The following CFAP107 variants were observed in gnomAD, a reference collection of about 807,000 sequenced individuals.
CFAP107 encodes the protein cilia and flagella associated protein 107.
At chr1:12,748,897 C>A in the CFAP107 span, among the ~76,000 whole-genome samples, 1 of 151,942 alleles carries the variant, frequency 6.6e-6, no homozygotes, top group African/African-American at 2.4e-5. Context: ...GGAGTCAAAC[C>A]AGTTTTAGAG....
the CFAP107 span, among the ~76,000 whole-genome samples, chr1:12,755,211 C>A: frequency 6.6e-6 from 1 of 152,114 alleles, no homozygotes. Flanking sequence ...TCGAGACCAT[C>A]CTAGCCAACA....
At chr1:12,748,701 G>A in the CFAP107 span, among the ~76,000 whole-genome samples, 3 of 151,844 alleles carry the variant, frequency 2.0e-5, no homozygotes, top group Non-Finnish European at 4.4e-5. Context: ...AAAAAAAAGT[G>A]GCCCATCCAA....
the CFAP107 span, chr1:12,762,456 A>G: frequency 6.6e-6 from 1 of 151,068 alleles, no homozygotes; most frequent in African/African-American, 2.4e-5. Flanking sequence ...TTCCATCCCA[A>G]CTGAAAGTCA....
chr1:12,759,237 C>T, the CFAP107 span: 11 of 1,544,772 alleles, frequency 7.1e-6, no homozygotes, highest in African/African-American at 4.1e-5. Context: ...CATGTGGCAG[C>T]TCCTGTCTCC....
At chr1:12,755,584 G>T in the CFAP107 span, 1 of 736,502 alleles carries the variant, frequency 1.4e-6, no homozygotes, top group Middle Eastern at 2.3e-4. Flanking sequence ...GGTGTCCAGG[G>T]GTTTATATTT....
chr1:12,746,816 T>C, the CFAP107 span, among the ~76,000 whole-genome samples: 1 of 152,166 alleles, frequency 6.6e-6, no homozygotes, highest in Admixed American at 6.5e-5. Flanking sequence ...TTGAAAATAC[T>C]GTAACAGGGT....
At chr1:12,758,677 C>T in the CFAP107 span, among the ~76,000 whole-genome samples, 2 of 152,132 alleles carry the variant, frequency 1.3e-5, no homozygotes, top group African/African-American at 4.8e-5. Context: ...CTTCTGGGCC[C>T]AAGAGGATTT....
At chr1:12,759,405 C>T in the CFAP107 span, 2 of 1,614,190 alleles carry the variant, frequency 1.2e-6, no homozygotes, top group Non-Finnish European at 1.7e-6. Context: ...GGCATGGTTA[C>T]AACCCGGGGC....
At chr1:12,748,656 T>G in the CFAP107 span, among the ~76,000 whole-genome samples, 1 of 151,080 alleles carries the variant, frequency 6.6e-6, no homozygotes, top group Admixed American at 6.6e-5. Flanking sequence ...CGCCCAATTT[T>G]CAACGAAAAA....
chr1:12,759,004 C>T, the CFAP107 span, among the ~76,000 whole-genome samples: 1 of 152,162 alleles, frequency 6.6e-6, no homozygotes, highest in Non-Finnish European at 1.5e-5. Flanking sequence ...GCTGACTCTT[C>T]CCATTCAGCA....
At chr1:12,755,804 G>C in the CFAP107 span, 3 of 1,611,532 alleles carry the variant, frequency 1.9e-6, no homozygotes, top group African/African-American at 2.7e-5. Flanking sequence ...ATGGGAAGAG[G>C]AAAGTTGAGG....
the CFAP107 span, among the ~76,000 whole-genome samples, chr1:12,760,488 G>A: frequency 1.4e-3 from 220 of 152,284 alleles, no homozygotes; most frequent in Non-Finnish European, 2.3e-3. Flanking sequence ...GCGAGGCCAC[G>A]CACAACCACA....
At chr1:12,749,788 A>G in the CFAP107 span, among the ~76,000 whole-genome samples, 1 of 152,224 alleles carries the variant, frequency 6.6e-6, no homozygotes, top group African/African-American at 2.4e-5. Flanking sequence ...ATGTTAAGAC[A>G]TTCCCAGATA....
chr1:12,746,496 T>C, the CFAP107 span: 1 of 1,613,656 alleles, frequency 6.2e-7, no homozygotes. Context: ...AGACCAAGTA[T>C]TCAACGAAAG....
At chr1:12,758,054 C>A in the CFAP107 span, among the ~76,000 whole-genome samples, 1 of 152,170 alleles carries the variant, frequency 6.6e-6, no homozygotes, top group African/African-American at 2.4e-5. Context: ...GTCCACCGTG[C>A]CTCGCCCAAT....
At chr1:12,753,521 AC>A in the CFAP107 span, 1 of 152,220 alleles carries the variant, frequency 6.6e-6, no homozygotes. Flanking sequence ...ACAGATAGAT[AC>A]ATAGACCTAT....
chr1:12,746,418 G>T, the CFAP107 span: 1 of 1,606,040 alleles, frequency 6.2e-7, no homozygotes, highest in Non-Finnish European at 8.5e-7. Flanking sequence ...GAAACCTGGG[G>T]CAAATCCTTA....
At chr1:12,753,878 G>A in the CFAP107 span, 2 of 151,992 alleles carry the variant, frequency 1.3e-5, no homozygotes, top group African/African-American at 2.4e-5. Context: ...CAGCCTAGGC[G>A]ACACAGCAAG....
the CFAP107 span, chr1:12,759,378 T>C: frequency 6.2e-7 from 1 of 1,614,138 alleles, no homozygotes; most frequent in Middle Eastern, 1.6e-4. Context: ...TCAGCACCTA[T>C]GACGACCATT....
Sources: gnomAD v4.1 joint callset for allele counts (sites outside exome capture counted in the v4.1 genomes callset) on GRCh38, gnomAD v4.1.1 for gene constraint, MANE v1.5 for transcripts, NCBI Gene and HGNC (gene_info 2026-07-23, HGNC 2026-07-21) for gene names.